The following SPAG1 variants were observed in gnomAD, a reference collection of about 807,000 sequenced individuals.
SPAG1 encodes the protein sperm-associated antigen 1.
Under a neutral mutation model 100.5 loss-of-function variants are expected in SPAG1, and 69 were observed. That is an observed-to-expected ratio of 0.69 (90% confidence interval 0.57 to 0.84). SPAG1 has a LOEUF of 0.84. Among genes scored for constraint, SPAG1 ranks in the 40% least tolerant of loss-of-function variants. The pLI, the probability that SPAG1 is intolerant of heterozygous loss-of-function variation, is 0.00. For synonymous variants in SPAG1, 336 were observed against 411.6 expected, an observed-to-expected ratio of 0.82 and a Z score of 2.22; for missense variants, 955 against 1,133.1, an observed-to-expected ratio of 0.84 and a Z score of 2.26.
intron 5 of SPAG1, 59 bp from the exon 6 acceptor site, chr8:100,183,897 T>C: frequency 1.3e-6 from 1 of 786,166 alleles, no homozygotes. Flanking sequence ...ATATCAATGA[T>C]AAATTTATTT....
In SPAG1 at chr8:100,241,061, G is replaced by A. The variant is rs2132449229; in HGVS notation, c.*39G>A. The A allele has an allele frequency of 1.3e-6, 2 of 1,594,194 alleles. No homozygotes were observed. Among genetic ancestry groups the A allele is most frequent in the Admixed American group, 1.8e-5 (1 of 55,584 alleles). On this transcript the variant is annotated 3_prime_UTR_variant, in exon 19 of 19. Transcript: ENST00000388798. The surrounding 1 kb of genome is among the most constrained non-coding windows in gnomAD (Gnocchi z 5.1). Reference sequence around the variant, plus strand: ...TTAGATTTCTTCCATGCATGTATGTGTTCCAGGAATGTTAATGAGATGGTA... The same window carrying A: ...TTAGATTTCTTCCATGCATGTATGTATTCCAGGAATGTTAATGAGATGGTA...
intron 3 of SPAG1, among the ~76,000 whole-genome samples, chr8:100,173,180 A>C (rs1815957484): frequency 6.6e-6 from 1 of 151,542 alleles, no homozygotes; most frequent in Non-Finnish European, 1.5e-5. Context: ...CTGGGATTAC[A>C]GGCATTCACC....
intron 9 of SPAG1, among the ~76,000 whole-genome samples, chr8:100,193,740 A>T (rs955105630): frequency 6.7e-6 from 1 of 149,088 alleles, no homozygotes; most frequent in African/African-American, 2.4e-5. Context: ...ACATAGTGAG[A>T]CCTCATCTCT....
At chr8:100,169,305 G>T (rs972957517) in intron 3 of SPAG1, among the ~76,000 whole-genome samples, 15 of 152,240 alleles carry the variant, frequency 9.9e-5, no homozygotes, top group Non-Finnish European at 1.9e-4. Flanking sequence ...TACAGTCCCA[G>T]TTTCTCTGGA....
At chr8:100,175,685 G>A (rs1429196239) in intron 3 of SPAG1, among the ~76,000 whole-genome samples, 1 of 152,130 alleles carries the variant, frequency 6.6e-6, no homozygotes, top group Admixed American at 6.5e-5. Flanking sequence ...GACCCCTTCG[G>A]TCTTGAACTC....
At chr8:100,215,536 TTTTTG>T (rs886419098) in intron 12 of SPAG1, among the ~76,000 whole-genome samples, 5 of 152,208 alleles carry the variant, frequency 3.3e-5, no homozygotes, top group Admixed American at 3.3e-4. Flanking sequence ...TTATTTTGTT[TTTTTG>T]TTTTGTTTTG....
At chr8:100,186,196 T>C (rs1387774589) in intron 7 of SPAG1, among the ~76,000 whole-genome samples, 1 of 148,144 alleles carries the variant, frequency 6.8e-6, no homozygotes, top group Non-Finnish European at 1.5e-5. Flanking sequence ...CTCCTGAGAA[T>C]ACTGGGACTA....
At chr8:100,170,780 G>A (rs919066132) in intron 3 of SPAG1, among the ~76,000 whole-genome samples, 11 of 151,538 alleles carry the variant, frequency 7.3e-5, no homozygotes, top group East Asian at 1.9e-4. Flanking sequence ...AATAAGAGAT[G>A]TGCTTCTTTT....
rs747943130 is a variant in SPAG1 at position 100,239,435 on chromosome 8, T to C, written c.2280+31T>C. 4 of 1,359,360 alleles carry C rather than the reference T, an allele frequency of 2.9e-6. No individual in the cohort carries two copies. The highest frequency in any genetic ancestry group is 1.4e-5 in the African/African-American group (1 of 69,418). 84.2% of individuals were successfully genotyped at this position (1,359,360 alleles called of 1,614,324 possible). A position where few individuals can be genotyped will look rare whatever the true frequency, so the allele number is the denominator to read the frequency against. On this transcript the variant is annotated intron_variant, in intron 17 of 18. Transcript: ENST00000388798. This position sits in a 1 kb window ranked among gnomAD's most constrained non-coding sequence, Gnocchi z 5.0. ...TGTATTTGATTATCTTTGAAAGTACTCCTTTGGGGACCTTAGACTGGATTC... is the reference window on the plus strand; with the variant it reads ...TGTATTTGATTATCTTTGAAAGTACCCCTTTGGGGACCTTAGACTGGATTC...
chr8:100,182,312 T>G (rs191160204), intron 4 of SPAG1, among the ~76,000 whole-genome samples: 1 of 152,328 alleles, frequency 6.6e-6, no homozygotes, highest in Admixed American at 6.5e-5. Context: ...GGGCCACTGT[T>G]AGTGCTTGGT....
rs1224312038 is a variant in SPAG1, at chr8:100,219,605, TG to T, written c.1536-673del. Among the ~76,000 whole-genome samples, 4 of 152,360 alleles carry T rather than the reference TG, an allele frequency of 2.6e-5. No individual in the cohort carries two copies. In the South Asian group the frequency reaches 6.2e-4, roughly 24 times the overall value. ...AGGATTATATGTACAGTTTTTTTATTGTTTTACTTCAGAATATAATGAAGTA... is the reference window on the plus strand; with the variant it reads ...AGGATTATATGTACAGTTTTTTTATTTTTTACTTCAGAATATAATGAAGTA... On this transcript the variant is annotated intron_variant, in intron 12 of 18. Coordinates refer to ENST00000388798, the MANE Select transcript of SPAG1 (RefSeq NM_003114.5).
chr8:100,166,516 CA>C (rs1053498284), intron 3 of SPAG1, among the ~76,000 whole-genome samples: 17 of 152,204 alleles, frequency 1.1e-4, no homozygotes, highest in Non-Finnish European at 2.4e-4. Context: ...CTCGGCCTCC[CA>C]AAGTGCTGGG....
rs752704151 is a variant in SPAG1, at chr8:100,240,636, G to A, written c.2514G>A (p.Pro838=). 2.2e-5 allele frequency: 36 copies of A among 1,614,026 alleles called. No individual in the cohort carries two copies. Among genetic ancestry groups the A allele is most frequent in the Middle Eastern group, 3.3e-4 (2 of 6,084 alleles). ...LLAITAPKDL[P]MFLSNKLEGD... ...CCATCACTGCACCAAAAGATTTGCC[G>A]ATGTTTTTAAGTAACAAACTTGAAG... The change falls in exon 18 of 19, where the codon CCG becomes CCA. Residue 838 remains proline, a synonymous_variant. Coordinates refer to ENST00000388798, the MANE Select transcript of SPAG1 (RefSeq NM_003114.5).
chr8:100,192,017 T>G (rs1188223296), intron 9 of SPAG1, among the ~76,000 whole-genome samples: 1 of 152,180 alleles, frequency 6.6e-6, no homozygotes, highest in Non-Finnish European at 1.5e-5. Context: ...CAAGATATCC[T>G]GAGTCAAACA....
At position 100,194,203 on chromosome 8, in the gene SPAG1, T is replaced by C. The variant is rs1338559167; in HGVS notation, c.1031T>C (p.Ile344Thr). The C allele has an allele frequency of 8.1e-6, 13 of 1,611,790 alleles. No individual in the cohort carries two copies. The highest frequency in any genetic ancestry group is 2.2e-5 in the South Asian group (2 of 90,684). Residue 344 changes from isoleucine to threonine, a missense_variant, in exon 10 of 19, where the codon ATA (isoleucine) becomes ACA (threonine). By Grantham distance (89) the Ile-to-Thr change is moderately conservative. Transcript: ENST00000388798. ...TKGKRMVIQE[I>T]ENSEDEEGKS... is the part of the protein sequence containing the mutation. Reference sequence around the variant, plus strand: ...GGGAAAAGGATGGTTATTCAGGAAATAGAAAACTCCGAAGATGAAGAAGGA... The same window carrying C: ...GGGAAAAGGATGGTTATTCAGGAAACAGAAAACTCCGAAGATGAAGAAGGA...
At chr8:100,208,109 C>T (rs982152348) in intron 10 of SPAG1, among the ~76,000 whole-genome samples, 14 of 152,188 alleles carry the variant, frequency 9.2e-5, no homozygotes, top group African/African-American at 2.2e-4. Context: ...TGTGACATTA[C>T]GTTCTGCTGG....
In SPAG1 at chr8:100,235,047, C is replaced by T. The variant is rs1223184172; in HGVS notation, c.2115+1510C>T. ...AGCTGCTGTGGCTGCTATAACAAAG[C>T]GCCATAGACTGGGTGGCCTGAACAA... On this transcript the variant is annotated intron_variant, in intron 16 of 18. Transcript: ENST00000388798. Among the ~76,000 whole-genome samples, 5 of 152,116 alleles carry T rather than the reference C, an allele frequency of 3.3e-5. No individual in the cohort carries two copies. In the East Asian group the frequency reaches 9.6e-4, roughly 29 times the overall value.
At chr8:100,233,151 G>A (rs543090808) in intron 15 of SPAG1, 3 of 376,190 alleles carry the variant, frequency 8.0e-6, no homozygotes, top group African/African-American at 2.1e-5. Context: ...AGAGTACTTT[G>A]CACAGATTTT....
In SPAG1 at chr8:100,162,294, A is replaced by G. The variant is rs1198093927; in HGVS notation, c.14A>G (p.Asp5Gly). 6.2e-7 allele frequency: 1 copy of G among 1,600,704 alleles called. No individual in the cohort carries two copies. Among genetic ancestry groups the G allele is most frequent in the Admixed American group, 1.8e-5 (1 of 56,432 alleles). The stretch of plus-strand genomic sequence containing the variant: ...TGTATTTCAGCTATGACCACCAAAG[A>G]TTATCCATCATTGTGGGGCTTTGGA... The part of the protein sequence containing the change: MTTK[D>G]YPSLWGFGTT... The change falls in exon 2 of 19, where the codon GAT becomes GGT. Residue 5 changes from aspartate (D) to glycine (G), a missense_variant. Physicochemically the swap from Asp to Gly is moderately conservative, Grantham distance 94 (BLOSUM62 -1). Coordinates refer to ENST00000388798, the MANE Select transcript of SPAG1 (RefSeq NM_003114.5).
Sources: gnomAD v4.1 joint callset for allele counts (sites outside exome capture counted in the v4.1 genomes callset) on GRCh38, gnomAD v4.1.1 for gene constraint, Gnocchi (gnomAD v3.1) non-coding constraint, MANE v1.5 for transcripts, NCBI Gene and HGNC (gene_info 2026-07-23, HGNC 2026-07-21) for gene names.